The following CEP112 variants were observed in gnomAD, a reference collection of about 807,000 sequenced individuals.
The protein encoded by CEP112 is centrosomal protein of 112 kDa.
In CEP112, 127 loss-of-function variants were observed where a neutral mutation model predicts 153.0. That is an observed-to-expected ratio of 0.83 (90% CI 0.72 to 0.96). The LOEUF is 0.96. Among genes scored for constraint, CEP112 ranks in the 40% least tolerant of loss-of-function variants. The pLI is 0.00. For missense variants in CEP112, 1,089 were observed against 1,101.2 expected (o/e 0.99, Z 0.16); for synonymous variants, 358 against 374.4 (o/e 0.96, Z 0.51).
chr17:66,133,944 A>G (rs1178331536), intron 4 of CEP112, among the ~76,000 whole-genome samples: 1 of 152,192 alleles, frequency 6.6e-6, no homozygotes, highest in Non-Finnish European at 1.5e-5. Flanking sequence ...TTTTTTTAAT[A>G]CCCCTATTCA....
intron 4 of CEP112, among the ~76,000 whole-genome samples, chr17:66,162,008 C>T (rs189488984): frequency 8.8e-4 from 133 of 151,902 alleles, no homozygotes; most frequent in African/African-American, 2.4e-3. Context: ...TACGGCAGCA[C>T]GAAATGGACC....
chr17:65,866,165 A>C (rs2058478571), intron 20 of CEP112, among the ~76,000 whole-genome samples: 1 of 152,138 alleles, frequency 6.6e-6, no homozygotes, highest in South Asian at 2.1e-4. Flanking sequence ...ACAGGGTCAG[A>C]GATGTCTGCT....
intron 21 of CEP112, among the ~76,000 whole-genome samples, chr17:65,785,126 A>AAT (rs1315024625): frequency 6.6e-6 from 1 of 152,166 alleles, no homozygotes; most frequent in African/African-American, 2.4e-5. Context: ...GCATGTTTCC[A>AAT]ATGTTCATCT....
At chr17:66,001,528 T>C (rs964409143) in intron 17 of CEP112, among the ~76,000 whole-genome samples, 5 of 152,212 alleles carry the variant, frequency 3.3e-5, no homozygotes, top group African/African-American at 1.2e-4. Flanking sequence ...AAAAAGAGTT[T>C]AAAATATCAG....
At chr17:65,903,063 C>T (rs1481753413) in intron 19 of CEP112, 3 of 152,280 alleles carry the variant, frequency 2.0e-5, no homozygotes, top group East Asian at 3.9e-4. Flanking sequence ...GATACTAATC[C>T]TCCCAGACTG....
At chr17:66,132,158 G>T (rs1598411883) in intron 5 of CEP112, among the ~76,000 whole-genome samples, 1 of 91,344 alleles carries the variant, frequency 1.1e-5, no homozygotes, top group Non-Finnish European at 1.9e-5. Flanking sequence ...GCAACAGTGA[G>T]ACTCCATCTC....
chr17:66,117,415 C>CA (rs749852193), intron 6 of CEP112, among the ~76,000 whole-genome samples: 1,699 of 146,854 alleles, frequency 0.012, 12 homozygotes, highest in Middle Eastern at 0.028. Context: ...AGCACAAGAC[C>CA]AAAAAAAAAA....
chr17:65,639,478 C>T (rs1247929399), intron 25 of CEP112, among the ~76,000 whole-genome samples: 1 of 151,482 alleles, frequency 6.6e-6, no homozygotes, highest in Non-Finnish European at 1.5e-5. Flanking sequence ...GAGTTCGAGA[C>T]CAGCCTGGCC....
At chr17:65,977,891 A>G (rs1279471178) in intron 17 of CEP112, among the ~76,000 whole-genome samples, 2 of 152,100 alleles carry the variant, frequency 1.3e-5, no homozygotes, top group African/African-American at 2.4e-5. Context: ...CCTGGACAAC[A>G]CGGTAAAACC....
At chr17:65,846,730 G>T (rs2057739760) in intron 21 of CEP112, among the ~76,000 whole-genome samples, 1 of 152,072 alleles carries the variant, frequency 6.6e-6, no homozygotes, top group Non-Finnish European at 1.5e-5. Flanking sequence ...CACCACACCT[G>T]GCTAATTTTT....
chr17:65,656,854 C>A (rs1369774905), intron 24 of CEP112, among the ~76,000 whole-genome samples: 1 of 152,240 alleles, frequency 6.6e-6, no homozygotes, highest in Non-Finnish European at 1.5e-5. Context: ...ACAGAGCTTA[C>A]AACCTTTGGT....
intron 2 of CEP112, among the ~76,000 whole-genome samples, chr17:66,177,251 G>A (rs184663962): frequency 1.3e-5 from 2 of 152,314 alleles, no homozygotes; most frequent in Admixed American, 1.3e-4. Flanking sequence ...CAAATGGCAT[G>A]ACTATGTTCC....
chr17:66,145,359 C>A (rs1020501410), intron 4 of CEP112, among the ~76,000 whole-genome samples: 4 of 151,760 alleles, frequency 2.6e-5, no homozygotes, highest in Admixed American at 1.3e-4. Flanking sequence ...CCAAATGGTG[C>A]CTTTTTTAAA....
At position 65,890,011 on chromosome 17, in the gene CEP112, G is replaced by A. The variant is rs192389304; in HGVS notation, c.2163+12141C>T. The stretch of plus-strand genomic sequence containing the variant: ...ACTCCTATCATAAAATATACAGTGC[G>A]CGTATATATATAAATTTGTAACACT... On this transcript the variant is annotated intron_variant, in intron 20 of 26. Coordinates refer to ENST00000535342, the MANE Select transcript of CEP112 (RefSeq NM_001199165.4). 1.0e-3 allele frequency among the ~76,000 whole-genome samples: 156 copies of A among 152,168 alleles called. 1 individual carries two copies. The highest frequency in any genetic ancestry group is 8.4e-4 in the Non-Finnish European group (57 of 68,020).
chr17:65,666,679 C>T (rs937035500), intron 24 of CEP112, among the ~76,000 whole-genome samples: 12 of 151,910 alleles, frequency 7.9e-5, no homozygotes, highest in East Asian at 1.9e-4. Context: ...GAAAACATAA[C>T]GAAATTGCTT....
At chr17:65,777,194 C>T (rs1353562117) in intron 21 of CEP112, among the ~76,000 whole-genome samples, 4 of 152,148 alleles carry the variant, frequency 2.6e-5, no homozygotes, top group African/African-American at 9.7e-5. Context: ...GTCCACTTCC[C>T]ACTCCTCATT....
At chr17:66,150,438 C>T (rs775941857) in intron 4 of CEP112, among the ~76,000 whole-genome samples, 123 of 152,010 alleles carry the variant, frequency 8.1e-4, no homozygotes, top group Non-Finnish European at 1.2e-3. Context: ...ACCATTTTGG[C>T]GAGGCTGGTC....
intron 6 of CEP112, among the ~76,000 whole-genome samples, chr17:66,119,286 T>C (rs1358402298): frequency 1.3e-5 from 2 of 152,142 alleles, no homozygotes; most frequent in Middle Eastern, 3.2e-3. Context: ...CAAACCATCA[T>C]GGCACACGTA....
At chr17:65,792,738 C>T (rs957921201) in intron 21 of CEP112, among the ~76,000 whole-genome samples, 1 of 152,062 alleles carries the variant, frequency 6.6e-6, no homozygotes, top group African/African-American at 2.4e-5. Flanking sequence ...ACATGTACCC[C>T]TGAACTTAGA....
Sources: allele counts gnomAD v4.1 joint callset (sites outside exome capture counted in the v4.1 genomes callset), GRCh38; gene constraint gnomAD v4.1.1; transcripts MANE v1.5; gene names NCBI Gene and HGNC (gene_info 2026-07-23, HGNC 2026-07-21).